NAV2: variants seen among roughly 807,000 people sequenced by gnomAD.
The protein encoded by NAV2 is helicase, APC down-regulated 1.
A neutral mutation model predicts 223.2 loss-of-function variants in NAV2; 54 were observed. The ratio of observed to expected loss-of-function variants is 0.24; its 90% confidence interval spans 0.19 to 0.30. NAV2 has a LOEUF of 0.30. NAV2 is among the 10% of genes least tolerant of loss of function. NAV2 has a pLI of 1.00. For missense variants in NAV2, 2,806 were observed against 3,147.5 expected (o/e 0.89, Z 2.60); for synonymous variants, 1,279 against 1,239.3 (o/e 1.03, Z -0.67).
chr11:19,976,500 A>G (rs1201058295), intron 10 of NAV2, among the ~76,000 whole-genome samples: 6 of 152,106 alleles, frequency 3.9e-5, no homozygotes, highest in African/African-American at 1.4e-4. Flanking sequence ...ACTCCTCTTT[A>G]ACTCAGGCCC....
intron 1 of NAV2, among the ~76,000 whole-genome samples, chr11:19,626,460 A>G (rs1952199192): frequency 6.6e-6 from 1 of 152,144 alleles, no homozygotes; most frequent in Non-Finnish European, 1.5e-5. Flanking sequence ...GTTTGATAGT[A>G]TGATGTCTCC....
rs139682608 is a variant in NAV2 at position 20,044,912 on chromosome 11, G to A, written c.3200-56G>A. On this transcript the variant is annotated intron_variant, in intron 13 of 37. Transcript: ENST00000349880. ...GAGGAGGAGAGCATCTTAAACAGACGAGATGGATGAGCTGGCTCTTGGCTT... is the reference window on the plus strand; with the variant it reads ...GAGGAGGAGAGCATCTTAAACAGACAAGATGGATGAGCTGGCTCTTGGCTT... 300 of 1,452,644 alleles carry A rather than the reference G, an allele frequency of 2.1e-4. 2 individuals are homozygous for A. In the Middle Eastern group the frequency reaches 2.9e-3, roughly 14 times the overall value. 90.0% of individuals were successfully genotyped at this position (1,452,644 alleles called of 1,614,324 possible).
At chr11:19,705,284 A>G (rs1456935416) in intron 1 of NAV2, among the ~76,000 whole-genome samples, 3 of 152,186 alleles carry the variant, frequency 2.0e-5, no homozygotes, top group Non-Finnish European at 4.4e-5. Context: ...TGCTCACTCC[A>G]AAATACCAGC....
At chr11:19,598,620 C>T (rs1471904) in intron 1 of NAV2, among the ~76,000 whole-genome samples, 150,254 of 152,202 alleles carry the variant, frequency 0.99, 74,191 homozygotes, top group East Asian at 1. Context: ...ATAATTATTA[C>T]TATCAGCCCT....
intron 1 of NAV2, among the ~76,000 whole-genome samples, chr11:19,390,172 G>A (rs1373734707): frequency 6.6e-6 from 1 of 152,046 alleles, no homozygotes; most frequent in East Asian, 1.9e-4. Flanking sequence ...CTTTATTTTG[G>A]GCCCAGCTGT....
intron 1 of NAV2, among the ~76,000 whole-genome samples, chr11:19,496,032 G>T (rs188111906): frequency 1.3e-5 from 2 of 152,260 alleles, no homozygotes; most frequent in Non-Finnish European, 2.9e-5. Context: ...CCCAAAGAGT[G>T]CAGGAGGCTT....
At position 19,421,798 on chromosome 11, in the gene NAV2, G is replaced by A. The variant is rs889397823; in HGVS notation, c.75+70771G>A. 9.8e-5 allele frequency among the ~76,000 whole-genome samples: 11 copies of A among 112,226 alleles called. No individual in the cohort carries two copies. In the Admixed American group the frequency reaches 1.3e-3, roughly 13 times the overall value. The allele number at this position is 112,226 out of a possible 152,430, so 73.6% of individuals were successfully genotyped here. A position where few individuals can be genotyped will look rare whatever the true frequency, so the allele number is the denominator to read the frequency against. ...TTTTTTTTTTTTTTTGCCCAAGCAT[G>A]AGAAGTTAAGATAATGACCATGACC... On this transcript the variant is annotated intron_variant, in intron 1 of 37. Transcript: ENST00000360655.
At chr11:19,889,159 G>A (rs2041276200) in intron 5 of NAV2, among the ~76,000 whole-genome samples, 1 of 152,150 alleles carries the variant, frequency 6.6e-6, no homozygotes, top group African/African-American at 2.4e-5. Flanking sequence ...GTTTGTGGAT[G>A]GACTCATCAT....
At chr11:19,956,358 A>G (rs1158357388) in intron 10 of NAV2, among the ~76,000 whole-genome samples, 1 of 145,376 alleles carries the variant, frequency 6.9e-6, no homozygotes, top group African/African-American at 2.7e-5. Flanking sequence ...CACACCCCCG[A>G]CACACATACA....
intron 1 of NAV2, among the ~76,000 whole-genome samples, chr11:19,752,800 T>C (rs1183765606): frequency 6.6e-6 from 1 of 152,084 alleles, no homozygotes; most frequent in Non-Finnish European, 1.5e-5. Flanking sequence ...CAAACAGTGG[T>C]TATTCTCATG....
chr11:19,779,350 G>A (rs926443300), intron 1 of NAV2, among the ~76,000 whole-genome samples: 2 of 152,336 alleles, frequency 1.3e-5, no homozygotes, highest in South Asian at 2.1e-4. Flanking sequence ...GGGTCTTGGC[G>A]TCCAGATAGC....
intron 12 of NAV2, among the ~76,000 whole-genome samples, chr11:20,039,531 A>C (rs889089182): frequency 6.6e-6 from 1 of 152,136 alleles, no homozygotes; most frequent in African/African-American, 2.4e-5. Flanking sequence ...AGTTAACTAA[A>C]GGTTGACTAC....
At chr11:19,899,163 T>G (rs2042241073) in intron 6 of NAV2, among the ~76,000 whole-genome samples, 1 of 152,166 alleles carries the variant, frequency 6.6e-6, no homozygotes, top group African/African-American at 2.4e-5. Context: ...CCTCCTCTAG[T>G]TTTTGTTCTG....
chr11:19,849,656 G>A (rs1240279989), intron 3 of NAV2, among the ~76,000 whole-genome samples: 1 of 152,232 alleles, frequency 6.6e-6, no homozygotes. Flanking sequence ...TCCTTGGGCA[G>A]CTGAGTTGCC....
intron 1 of NAV2, among the ~76,000 whole-genome samples, chr11:19,813,204 G>A (rs2058928700): frequency 6.6e-6 from 1 of 152,084 alleles, no homozygotes; most frequent in Non-Finnish European, 1.5e-5. Flanking sequence ...TCAAGCAAAA[G>A]ATGAGGCACA....
intron 1 of NAV2, among the ~76,000 whole-genome samples, chr11:19,598,276 T>C (rs1294407351): frequency 1.3e-5 from 2 of 152,208 alleles, no homozygotes; most frequent in African/African-American, 2.4e-5. Context: ...CAGGGGGTCC[T>C]CAGAGCTCAC....
At chr11:20,066,347 T>G (rs10082600) in intron 20 of NAV2, among the ~76,000 whole-genome samples, 72,028 of 152,006 alleles carry the variant, frequency 0.47, 17,368 homozygotes, top group East Asian at 0.64. Context: ...GGAGGGAAGA[T>G]TGAGCTCTGA....
intron 1 of NAV2, chr11:19,777,505 C>T (rs1214744695): frequency 2.2e-6 from 1 of 455,236 alleles, no homozygotes; most frequent in Non-Finnish European, 4.4e-6. Flanking sequence ...AGAATAACAC[C>T]ACCATGAAGC....
intron 1 of NAV2, among the ~76,000 whole-genome samples, chr11:19,355,018 A>G (rs1853536639): frequency 6.6e-6 from 1 of 152,212 alleles, no homozygotes; most frequent in African/African-American, 2.4e-5. Context: ...AAAGCCGGGG[A>G]GACAGGGGGC....
Sources: allele counts gnomAD v4.1 joint callset (sites outside exome capture counted in the v4.1 genomes callset), GRCh38; gene constraint gnomAD v4.1.1; transcripts MANE v1.5; gene names NCBI Gene and HGNC (gene_info 2026-07-23, HGNC 2026-07-21).